Variants in SPTB observed in about 807,000 individuals in gnomAD.
SPTB encodes the protein spectrin beta chain, erythrocytic.
A neutral mutation model predicts 256.2 loss-of-function variants in SPTB; 45 were observed. That is an observed-to-expected ratio of 0.18 (90% CI 0.14 to 0.23). The LOEUF (loss-of-function observed/expected upper bound fraction) is 0.23, where lower values mean the gene tolerates loss of function less well. SPTB is among the 10% of genes least tolerant of loss of function. The probability of loss-of-function intolerance (pLI) is 1.00; values close to 1 mark genes in which losing one functional copy is unlikely to be tolerated. For missense variants in SPTB, 2,715 were observed against 3,040.4 expected (o/e 0.89, Z 2.52); for synonymous variants, 1,231 against 1,243.1 (o/e 0.99, Z 0.21).
rs1472448202 is a variant in SPTB, at chr14:64,795,917, A to G, written c.1342-278T>C. 6.6e-6 allele frequency among the ~76,000 whole-genome samples: 1 copy of G among 152,184 alleles called. No individual in the cohort carries two copies. Among genetic ancestry groups the G allele is most frequent in the African/African-American group, 2.4e-5 (1 of 41,442 alleles). On this transcript the variant is annotated intron_variant, in intron 11 of 35. Coordinates refer to ENST00000644917, the MANE Select transcript of SPTB (RefSeq NM_001355436.2). The surrounding 1 kb of genome is among the most constrained non-coding windows in gnomAD (Gnocchi z 6.5). ...CGTGTTACTAATGGAGCCCCTTGGC[A>G]GCCTGCTGGCACTCCCCACATGCCT...
chr14:64,868,684 G>A (rs961392245), intron 1 of SPTB, among the ~76,000 whole-genome samples: 3 of 152,230 alleles, frequency 2.0e-5, no homozygotes, highest in African/African-American at 7.2e-5. Flanking sequence ...AGCCCAGAGA[G>A]GGCAGAGGTT....
rs751150261 is a variant in SPTB, at chr14:64,749,633, G to T, written c.6819+21C>A. 1 of 1,613,418 alleles carries T rather than the reference G, an allele frequency of 6.2e-7. No homozygotes were observed. On this transcript the variant is annotated intron_variant, in intron 35 of 35. Transcript: ENST00000644917. This position sits in a 1 kb window ranked among gnomAD's most constrained non-coding sequence, Gnocchi z 4.7. ...CCTACCCCCTTCTTAGCCAGGTCTGGGCTAGGCTGCCCGCGCTTACCTCAT... is the reference window on the plus strand; with the variant it reads ...CCTACCCCCTTCTTAGCCAGGTCTGTGCTAGGCTGCCCGCGCTTACCTCAT...
At chr14:64,776,544 G>A (rs2082359493) in intron 22 of SPTB, among the ~76,000 whole-genome samples, 1 of 152,082 alleles carries the variant, frequency 6.6e-6, no homozygotes, top group Admixed American at 6.6e-5. Context: ...AGGCTCAGAT[G>A]ATTCTCCCAC....
rs1433874420 is a variant in SPTB at position 64,806,431 on chromosome 14, G to A, written c.149-1341C>T. Among the ~76,000 whole-genome samples the A allele has an allele frequency of 6.6e-6, 1 of 152,226 alleles. No individual in the cohort carries two copies. The highest frequency in any genetic ancestry group is 2.4e-5 in the African/African-American group (1 of 41,454). On this transcript the variant is annotated intron_variant, in intron 2 of 35. Coordinates refer to ENST00000644917, the MANE Select transcript of SPTB (RefSeq NM_001355436.2). The surrounding 1 kb of genome is among the most constrained non-coding windows in gnomAD (Gnocchi z 4.1). ...TACCTGGAGTGGCCTAGCCAGGAGCGGGGTCTGCCCGGTCGGAGCAGGCTG... is the reference window on the plus strand; with the variant it reads ...TACCTGGAGTGGCCTAGCCAGGAGCAGGGTCTGCCCGGTCGGAGCAGGCTG...
chr14:64,784,291 C>T lies in SPTB; in HGVS notation c.3958G>A (p.Ala1320Thr), dbSNP rs1594772168. 1 of 1,614,228 alleles carries T rather than the reference C, an allele frequency of 6.2e-7. No individual in the cohort carries two copies. Among genetic ancestry groups the T allele is most frequent in the East Asian group, 2.2e-5 (1 of 44,884 alleles). The change falls in exon 19 of 36, where the codon GCA becomes ACA. Residue 1320 changes from alanine (A) to threonine (T), a missense_variant. This residue lies in a region of SPTB where 2,239 missense variants were observed against 2,384.4 expected (regional missense o/e 0.94). Transcript: ENST00000644917. The stretch of plus-strand genomic sequence containing the variant: ...CACCCTTCATGGGAAGCCAGCTCTG[C>T]CACAAACGCCTGGTGCTTTAGCCAT... The part of the protein sequence containing the change: ...NKWLKHQAFV[A>T]ELASHEGWLE...
At chr14:64,762,702 G>T (rs75846547) in intron 32 of SPTB, among the ~76,000 whole-genome samples, 12,521 of 152,276 alleles carry the variant, frequency 0.082, 571 homozygotes, top group Middle Eastern at 0.12. Flanking sequence ...AAGGCCACGC[G>T]GAAGAATGGC....
In SPTB at chr14:64,792,618, G is replaced by A. The variant is rs142535655; in HGVS notation, c.2666+379C>T. ...CTCAGAGTCTCCTGGCTTAAGGACT[G>A]CCACAGAAAGCTAGAGCTGGCAGGG... On this transcript the variant is annotated intron_variant, in intron 14 of 35. Transcript: ENST00000644917. The surrounding 1 kb of genome is among the most constrained non-coding windows in gnomAD (Gnocchi z 4.2). Among the ~76,000 whole-genome samples, 915 of 152,264 alleles carry A rather than the reference G, an allele frequency of 6.0e-3. 12 individuals are homozygous for A. The highest frequency in any genetic ancestry group is 0.021 in the African/African-American group (870 of 41,550).
intron 3 of SPTB, among the ~76,000 whole-genome samples, chr14:64,804,578 T>C (rs372982115): frequency 5.5e-4 from 84 of 152,214 alleles, no homozygotes; most frequent in African/African-American, 1.7e-3. Context: ...AAACACACAG[T>C]AAAATGGCTT....
intron 1 of SPTB, among the ~76,000 whole-genome samples, chr14:64,878,054 G>C (rs1263926011): frequency 6.6e-6 from 1 of 152,226 alleles, no homozygotes; most frequent in African/African-American, 2.4e-5. Context: ...AATTCCATGA[G>C]TGGACTCTGA....
chr14:64,777,838 G>A lies in SPTB; in HGVS notation c.4563+1319C>T, dbSNP rs545883551. Reference sequence around the variant, plus strand: ...CATTAGGGCAGTCACGCTGTCCCAAGAGGCTGCCTTTCCCTTCTTGGTTAG... The same window carrying A: ...CATTAGGGCAGTCACGCTGTCCCAAAAGGCTGCCTTTCCCTTCTTGGTTAG... On this transcript the variant is annotated intron_variant, in intron 22 of 35. Transcript: ENST00000644917. This position sits in a 1 kb window ranked among gnomAD's most constrained non-coding sequence, Gnocchi z 4.5. Among the ~76,000 whole-genome samples, 1 of 152,320 alleles carries A rather than the reference G, an allele frequency of 6.6e-6. No homozygotes were observed. Among genetic ancestry groups the A allele is most frequent in the East Asian group, 1.9e-4 (1 of 5,184 alleles).
chr14:64,749,464 G>A lies in SPTB; in HGVS notation c.6829C>T (p.Leu2277=), dbSNP rs1443741893. ...LFHGKDEEEM[L]SWLQGVSTAI... is the part of the protein sequence containing the mutation. ...GTGCTCACGCCCTGCAGCCAGGACA[G>A]CATCTCCTCCTGCGGGGCGGAGGGT... The change falls in exon 36 of 36, where the codon CTG becomes TTG. Residue 2277 remains leucine, a synonymous_variant. Coordinates refer to ENST00000644917, the MANE Select transcript of SPTB (RefSeq NM_001355436.2). The surrounding 1 kb of genome is among the most constrained non-coding windows in gnomAD (Gnocchi z 4.7). 1.9e-6 allele frequency: 3 copies of A among 1,601,070 alleles called. No individual in the cohort carries two copies. Among genetic ancestry groups the A allele is most frequent in the Non-Finnish European group, 2.5e-6 (3 of 1,178,332 alleles).
chr14:64,770,838 T>C, intron 27 of SPTB, 47 bp downstream of exon 27: 1 of 1,613,366 alleles, frequency 6.2e-7, no homozygotes, highest in East Asian at 2.2e-5. Context: ...GCCGGGCTCC[T>C]CTGGCCTGGA....
At chr14:64,752,307 TCTC>T (rs1271053718) in intron 33 of SPTB, 1 of 1,273,172 alleles carries the variant, frequency 7.9e-7, no homozygotes, top group Admixed American at 2.2e-5. Context: ...CTCTCCCTCT[TCTC>T]CCTTACTTTT....
At chr14:64,753,499 C>T in intron 33 of SPTB, 38 bp downstream of exon 33, 1 of 1,612,340 alleles carries the variant, frequency 6.2e-7, no homozygotes, top group Non-Finnish European at 8.5e-7. Context: ...TGAGAGCTGC[C>T]CAACCTACCC....
Position 64,785,485 on chromosome 14 carries a change from G to T in SPTB, c.3855+52C>A. 1 of 1,521,286 alleles carries T rather than the reference G, an allele frequency of 6.6e-7. No individual in the cohort carries two copies. The highest frequency in any genetic ancestry group is 9.0e-7 in the Non-Finnish European group (1 of 1,112,304). The allele number at this position is 1,521,286 out of a possible 1,614,324, so 94.2% of individuals were successfully genotyped here. On this transcript the variant is annotated intron_variant, in intron 18 of 35. Coordinates refer to ENST00000644917, the MANE Select transcript of SPTB (RefSeq NM_001355436.2). The surrounding 1 kb of genome is among the most constrained non-coding windows in gnomAD (Gnocchi z 4.4). ...GGACTTCCTGCCTTGAGGGAACTCT[G>T]CTTCTAGAAAGGAATCTCCAGGAAA...
chr14:64,822,180 T>C (rs532322281), intron 2 of SPTB, among the ~76,000 whole-genome samples: 1 of 150,144 alleles, frequency 6.7e-6, no homozygotes, highest in East Asian at 2.0e-4. Context: ...ACTCAAACTT[T>C]CTTATTGGCC....
At chr14:64,769,814 C>T (rs1389082569) in intron 27 of SPTB, 86 bp from the exon 28 acceptor site, 6 of 1,578,756 alleles carry the variant, frequency 3.8e-6, no homozygotes, top group African/African-American at 1.3e-5. Context: ...CCCACCTCCC[C>T]CTGCCTGTGG....
Position 64,750,071 on chromosome 14 carries a change from G to C in SPTB, c.6686C>G (p.Pro2229Arg), listed in dbSNP as rs1301471898. 6.2e-7 allele frequency: 1 copy of C among 1,614,156 alleles called. No individual in the cohort carries two copies. Among genetic ancestry groups the C allele is most frequent in the African/African-American group, 1.3e-5 (1 of 75,044 alleles). Residue 2229 changes from proline (P) to arginine (R), a missense_variant, in exon 34 of 36, where the codon CCC becomes CGC. Physicochemically the swap from Pro to Arg is moderately radical, Grantham distance 103. Coordinates refer to ENST00000644917, the MANE Select transcript of SPTB (RefSeq NM_001355436.2). The stretch of plus-strand genomic sequence containing the variant: ...GGCCAGGGGTTCCTCCCCATGGTAG[G>C]GCATCCCCAGGGCCAGGTTCTTGGC... ...KDAKNLALGM[P>R]YHGEEPLALR...
Position 64,801,853 on chromosome 14 carries a change from G to A in SPTB, c.567-19C>T, listed in dbSNP as rs2082892230. On this transcript the variant is annotated intron_variant, in intron 5 of 35. Transcript: ENST00000644917. ...AGGGTAGCTGCATCCAAGAGAAACA[G>A]TAAGAGCTAAGAATTAGATTTTTTG... 3.1e-6 allele frequency: 5 copies of A among 1,610,298 alleles called. No homozygotes were observed. Among genetic ancestry groups the A allele is most frequent in the Admixed American group, 1.7e-5 (1 of 60,008 alleles).
Sources: allele counts gnomAD v4.1 joint callset (sites outside exome capture counted in the v4.1 genomes callset), GRCh38; gene constraint gnomAD v4.1.1; regional missense constraint gnomAD v4.1.1; non-coding constraint Gnocchi (gnomAD v3.1); transcripts MANE v1.5; gene names NCBI Gene and HGNC (gene_info 2026-07-23, HGNC 2026-07-21).